LONRF2: variants seen among roughly 807,000 people sequenced by gnomAD.
LONRF2 encodes the protein LON peptidase N-terminal domain and RING finger protein 2.
Under a neutral mutation model 66.6 loss-of-function variants are expected in LONRF2, and 35 were observed. That is an observed-to-expected ratio of 0.53 (90% CI 0.40 to 0.70). The LOEUF (loss-of-function observed/expected upper bound fraction) is 0.70, where lower values mean the gene tolerates loss of function less well. Ranked by LOEUF, LONRF2 falls within the 30% of genes least tolerant of loss-of-function variation. LONRF2 has a pLI of 0.00. For synonymous variants in LONRF2, 417 were observed against 418.1 expected (o/e 1.00, Z 0.03); for missense variants, 902 against 1,002.1 (o/e 0.90, Z 1.35).
At chr2:100,312,770 C>T (rs1452480236) in intron 1 of LONRF2, among the ~76,000 whole-genome samples, 1 of 152,220 alleles carries the variant, frequency 6.6e-6, no homozygotes, top group Non-Finnish European at 1.5e-5. Flanking sequence ...ACAATTTAGT[C>T]TTTTAAAACA....
rs1383964995 is a variant in LONRF2 at position 100,272,454 on chromosome 2, G to A, written c.*11844C>T. Among the ~76,000 whole-genome samples, 1 of 151,986 alleles carries A rather than the reference G, an allele frequency of 6.6e-6. No individual in the cohort carries two copies. The highest frequency in any genetic ancestry group is 1.5e-5 in the Non-Finnish European group (1 of 68,022). On this transcript the variant is annotated 3_prime_UTR_variant, in exon 12 of 12. Transcript: ENST00000393437. ...GTTGAGGCTGCAGTGAGCTATGCTTGTACCACTGCCCTCCAGCCTGGATGA... is the reference window on the plus strand; with the variant it reads ...GTTGAGGCTGCAGTGAGCTATGCTTATACCACTGCCCTCCAGCCTGGATGA...
chr2:100,289,266 C>G (rs1674908376), intron 10 of LONRF2, among the ~76,000 whole-genome samples: 1 of 152,130 alleles, frequency 6.6e-6, no homozygotes, highest in Non-Finnish European at 1.5e-5. Flanking sequence ...AAGGGCAGAA[C>G]TGGGTAGCTT....
At chr2:100,290,561 C>T (rs1249439162) in intron 9 of LONRF2, 141 bp from the exon 10 acceptor site, 14 of 801,192 alleles carry the variant, frequency 1.7e-5, no homozygotes, top group African/African-American at 8.7e-5. Flanking sequence ...AGGTTATTGT[C>T]GCTAAGAGAC....
chr2:100,284,898 A>G lies in LONRF2; in HGVS notation c.2071-406T>C, dbSNP rs117370523. On this transcript the variant is annotated intron_variant, in intron 11 of 11. Transcript: ENST00000393437. ...GCATAATATTATAAAGGCTAAAAGTATGTGTACAAGTTTGAGTGACATACT... is the reference window on the plus strand; with the variant it reads ...GCATAATATTATAAAGGCTAAAAGTGTGTGTACAAGTTTGAGTGACATACT... Among the ~76,000 whole-genome samples, 316 of 152,362 alleles carry G rather than the reference A, an allele frequency of 2.1e-3. 4 individuals carry two copies. Among genetic ancestry groups the G allele is most frequent in the East Asian group, 0.016 (85 of 5,190 alleles).
rs1675044632 is a variant in LONRF2, at chr2:100,295,420, A to G, written c.1598+12T>C. ...GAACTTAAGACCAAGGACACACAAC[A>G]TGAGCACTTACTTTGACAGTTCTGA... On this transcript the variant is annotated intron_variant, in intron 8 of 11. Coordinates refer to ENST00000393437, the MANE Select transcript of LONRF2 (RefSeq NM_198461.4). The G allele has an allele frequency of 6.2e-7, 1 of 1,611,788 alleles. No individual in the cohort carries two copies. Among genetic ancestry groups the G allele is most frequent in the Non-Finnish European group, 8.5e-7 (1 of 1,179,108 alleles).
intron 1 of LONRF2, among the ~76,000 whole-genome samples, chr2:100,310,774 G>T (rs1055723766): frequency 2.0e-5 from 3 of 152,166 alleles, no homozygotes; most frequent in African/African-American, 7.2e-5. Context: ...GGCTTTGCAG[G>T]CAAAGAGGCA....
At chr2:100,303,758 A>G (rs1675231500) in intron 2 of LONRF2, among the ~76,000 whole-genome samples, 1 of 151,822 alleles carries the variant, frequency 6.6e-6, no homozygotes, top group African/African-American at 2.4e-5. Context: ...CTTTCCTTTT[A>G]TCTTTGGTTT....
rs141671902 is a variant in LONRF2 at position 100,296,003 on chromosome 2, G to GT, written c.1477-451dup. Among the ~76,000 whole-genome samples, 296 of 152,248 alleles carry GT rather than the reference G, an allele frequency of 1.9e-3. 7 individuals carry two copies. The East Asian group carries it at 0.052, about 27-fold the overall frequency. ...CTGACACCAATCTTCCCAACATTAT[G>GT]TTTTTTTCTAGCTTTGTTGTATTAC... On this transcript the variant is annotated intron_variant, in intron 7 of 11. Transcript: ENST00000393437.
chr2:100,296,203 T>C (rs1026761415), intron 7 of LONRF2, among the ~76,000 whole-genome samples: 4 of 152,114 alleles, frequency 2.6e-5, no homozygotes, highest in South Asian at 2.1e-4. Flanking sequence ...TGTGTGTGTG[T>C]GCGCGTGTGT....
In LONRF2 at chr2:100,321,697, C is replaced by T. The variant is rs1343270543; in HGVS notation, c.397G>A (p.Glu133Lys). The T allele has an allele frequency of 1.7e-6, 2 of 1,207,814 alleles. No individual in the cohort carries two copies. The highest frequency in any genetic ancestry group is 2.0e-6 in the Non-Finnish European group (2 of 975,964). 74.8% of individuals were successfully genotyped at this position (1,207,814 alleles called of 1,614,324 possible). The change falls in exon 1 of 12, where the codon GAG becomes AAG. Residue 133 changes from glutamate (E) to lysine (K), a missense_variant. Glu to Lys is a moderately conservative substitution (Grantham distance 56). Coordinates refer to ENST00000393437, the MANE Select transcript of LONRF2 (RefSeq NM_198461.4). ...EAPGEGGPAP[E>K]PRAPRDLLGC... ...AGCAGGTCGCGGGGCGCGCGGGGCT[C>T]CGGGGCCGGCCCTCCCTCGCCGGGC...
chr2:100,304,790 A>ATTTTTTT (rs3039614), intron 2 of LONRF2, among the ~76,000 whole-genome samples: 2 of 113,188 alleles, frequency 1.8e-5, no homozygotes, highest in Non-Finnish European at 3.4e-5. Flanking sequence ...TGCCTGGCTA[A>ATTTTTTT]TTTTTTTTTT....
intron 1 of LONRF2, among the ~76,000 whole-genome samples, chr2:100,319,526 A>G (rs956204638): frequency 2.0e-5 from 3 of 152,128 alleles, no homozygotes; most frequent in Non-Finnish European, 2.9e-5. Flanking sequence ...CATCCCCCCA[A>G]GGTAACCATT....
At chr2:100,300,094 TA>T (rs1675152693) in intron 4 of LONRF2, among the ~76,000 whole-genome samples, 176 bp from the exon 5 acceptor site, 1 of 152,230 alleles carries the variant, frequency 6.6e-6, no homozygotes, top group Non-Finnish European at 1.5e-5. Flanking sequence ...CTTTTCACAG[TA>T]AAATACAGGA....
intron 2 of LONRF2, among the ~76,000 whole-genome samples, chr2:100,304,188 T>C (rs1398443946): frequency 1.3e-5 from 2 of 152,028 alleles, no homozygotes; most frequent in Non-Finnish European, 2.9e-5. Context: ...GGTCTCACCC[T>C]GTTGCCCAGG....
chr2:100,296,102 C>T (rs949698202), intron 7 of LONRF2, among the ~76,000 whole-genome samples: 7 of 151,832 alleles, frequency 4.6e-5, no homozygotes, highest in Non-Finnish European at 7.4e-5. Context: ...TGGATTAAAG[C>T]GGGATGTGAA....
chr2:100,295,319 C>T, intron 8 of LONRF2, 113 bp downstream of exon 8: 1 of 930,800 alleles, frequency 1.1e-6, no homozygotes, highest in Non-Finnish European at 1.5e-6. Context: ...ACATCCTTTT[C>T]CATTTACAGA....
Position 100,280,889 on chromosome 2 carries a change from T to A in LONRF2, c.*3409A>T, listed in dbSNP as rs7601442. 0.62 allele frequency: 95,005 copies of A among 152,126 alleles called. 30,226 individuals carry two copies. The highest frequency in any genetic ancestry group is 0.94 in the East Asian group (4,871 of 5,176). The allele number at this position is 152,126 out of a possible 1,614,324, so 9.4% of individuals were successfully genotyped here. ...ACTAAAAGAAATCACCCACATTTAT[T>A]TTCTTCTAATTTGCTATCACCTTTC... is the stretch of plus-strand genomic sequence containing the variant. On this transcript the variant is annotated 3_prime_UTR_variant, in exon 12 of 12. Coordinates refer to ENST00000393437, the MANE Select transcript of LONRF2 (RefSeq NM_198461.4).
At position 100,299,208 on chromosome 2, in the gene LONRF2, G is replaced by C. The variant is rs1243983928; in HGVS notation, c.1361+18C>G. ...GCTGCAGTTTTAAAAGAGTTGCACG[G>C]ATTCTGTACCATCCTACCTCATGCA... On this transcript the variant is annotated intron_variant, in intron 6 of 11. Coordinates refer to ENST00000393437, the MANE Select transcript of LONRF2 (RefSeq NM_198461.4). The C allele has an allele frequency of 2.0e-5, 31 of 1,532,550 alleles. No individual in the cohort carries two copies. The highest frequency in any genetic ancestry group is 2.7e-5 in the Non-Finnish European group (31 of 1,132,750). The allele number at this position is 1,532,550 out of a possible 1,614,324, so 94.9% of individuals were successfully genotyped here. A position where few individuals can be genotyped will look rare whatever the true frequency, so the allele number is the denominator to read the frequency against.
intron 1 of LONRF2, among the ~76,000 whole-genome samples, chr2:100,310,143 C>T (rs1406004425): frequency 1.6e-5 from 2 of 127,848 alleles, no homozygotes; most frequent in African/African-American, 6.0e-5. Flanking sequence ...AGTCCAGCTA[C>T]ACAGAAGCCA....
Sources: gnomAD v4.1 joint callset for allele counts (sites outside exome capture counted in the v4.1 genomes callset) on GRCh38, gnomAD v4.1.1 for gene constraint, MANE v1.5 for transcripts, NCBI Gene and HGNC (gene_info 2026-07-23, HGNC 2026-07-21) for gene names.